WDR64: variants seen among roughly 807,000 people sequenced by gnomAD.
WDR64 encodes WD repeat domain 64.
Under a neutral mutation model 139.3 loss-of-function variants are expected in WDR64, and 112 were observed. The observed-to-expected ratio is 0.80, with a 90% confidence interval of 0.69 to 0.94. WDR64 has a LOEUF of 0.94. Ranked by LOEUF, WDR64 falls within the 40% of genes least tolerant of loss-of-function variation. WDR64 has a pLI of 0.00. For missense variants in WDR64, 1,206 were observed against 1,293.1 expected (o/e 0.93, Z 1.03); for synonymous variants, 444 against 437.7 (o/e 1.01, Z -0.18).
chr1:241,736,737 A>G (rs1240493520), intron 10 of WDR64, among the ~76,000 whole-genome samples: 5 of 152,202 alleles, frequency 3.3e-5, no homozygotes, highest in Non-Finnish European at 7.3e-5. Flanking sequence ...AGCAAACATA[A>G]TAACTCTATA....
intron 10 of WDR64, among the ~76,000 whole-genome samples, chr1:241,730,475 C>G (rs931284843): frequency 3.9e-5 from 6 of 152,174 alleles, no homozygotes; most frequent in Non-Finnish European, 5.9e-5. Context: ...ATTTTATCCT[C>G]TAGACTTTCT....
At chr1:241,709,888 G>C (rs181463143) in intron 8 of WDR64, among the ~76,000 whole-genome samples, 2 of 152,020 alleles carry the variant, frequency 1.3e-5, no homozygotes, top group African/African-American at 4.8e-5. Flanking sequence ...AGACAGGCGG[G>C]TTCCCCTCAG....
rs1667792137 is a variant in WDR64 at position 241,703,146 on chromosome 1, T to C, written c.975-8656T>C. Among the ~76,000 whole-genome samples the C allele has an allele frequency of 1.3e-5, 2 of 152,324 alleles. No individual in the cohort carries two copies. Among genetic ancestry groups the C allele is most frequent in the Non-Finnish European group, 1.5e-5 (1 of 68,026 alleles). ...CCTTATTCCTTGTTTCCTGCCCTCA[T>C]TCCCCACCAACTACCTCACCGTCAC... On this transcript the variant is annotated intron_variant, in intron 8 of 27. Transcript: ENST00000437684. The surrounding 1 kb of genome is among the most constrained non-coding windows in gnomAD (Gnocchi z 5.9).
At chr1:241,682,500 A>G (rs974782048) in intron 6 of WDR64, among the ~76,000 whole-genome samples, 3 of 150,938 alleles carry the variant, frequency 2.0e-5, no homozygotes, top group African/African-American at 7.3e-5. Flanking sequence ...CTATTTTTAT[A>G]CCAGTACCAT....
chr1:241,741,455 AC>A lies in WDR64; in HGVS notation c.1322-58del, dbSNP rs1669535433. 2.9e-5 allele frequency: 43 copies of A among 1,490,766 alleles called. No homozygotes were observed. The South Asian group carries it at 5.1e-4, about 18-fold the overall frequency. 92.3% of individuals were successfully genotyped at this position (1,490,766 alleles called of 1,614,324 possible). A position where few individuals can be genotyped will look rare whatever the true frequency, so the allele number is the denominator to read the frequency against. On this transcript the variant is annotated intron_variant, in intron 11 of 27. Coordinates refer to ENST00000437684, the MANE Select transcript of WDR64 (RefSeq NM_001367482.1). ...TTCCAAACCCAACTGCTTGGCTGAA[AC>A]CCTTTGTGATTAGAAACTTCTAATA...
intron 8 of WDR64, among the ~76,000 whole-genome samples, chr1:241,696,022 G>A (rs1667467674): frequency 6.8e-6 from 1 of 146,474 alleles, no homozygotes; most frequent in Admixed American, 7.0e-5. Flanking sequence ...GCTGAGATGG[G>A]AGGATCACTT....
At chr1:241,706,040 G>C (rs1210582429) in intron 8 of WDR64, among the ~76,000 whole-genome samples, 1 of 152,068 alleles carries the variant, frequency 6.6e-6, no homozygotes, top group African/African-American at 2.4e-5. Flanking sequence ...TTTTTCTTCT[G>C]TCTTAGGAAA....
chr1:241,692,066 G>A (rs565030754), intron 8 of WDR64, among the ~76,000 whole-genome samples: 4 of 150,662 alleles, frequency 2.7e-5, no homozygotes, highest in South Asian at 2.1e-4. Flanking sequence ...ATCTACATTC[G>A]CATTTGAGAA....
chr1:241,713,103 T>G (rs1466750025), intron 9 of WDR64, among the ~76,000 whole-genome samples: 1 of 150,768 alleles, frequency 6.6e-6, no homozygotes, highest in Non-Finnish European at 1.5e-5. Flanking sequence ...GCCCAGGAGC[T>G]CAAGACTAGC....
At chr1:241,760,402 G>A (rs971975489) in intron 15 of WDR64, among the ~76,000 whole-genome samples, 5 of 149,480 alleles carry the variant, frequency 3.3e-5, no homozygotes, top group East Asian at 2.0e-4. Flanking sequence ...CCTGATAACC[G>A]GAAGCCTCAT....
intron 8 of WDR64, among the ~76,000 whole-genome samples, chr1:241,693,186 TAC>T (rs959952173): frequency 1.3e-4 from 20 of 152,176 alleles, no homozygotes; most frequent in African/African-American, 4.8e-4. Context: ...GCTGAATGGA[TAC>T]ACAGACTCTG....
rs199889154 is a variant in WDR64 at position 241,675,011 on chromosome 1, T to G, written c.483+264T>G. Among the ~76,000 whole-genome samples the G allele has an allele frequency of 8.0e-3, 271 of 33,906 alleles. 38 individuals are homozygous for G. The highest frequency in any genetic ancestry group is 0.016 in the Middle Eastern group (1 of 64). The allele number at this position is 33,906 out of a possible 152,430, so 22.2% of individuals were successfully genotyped here. The stretch of plus-strand genomic sequence containing the variant: ...TCCCTTTCTCCCTCCCTCTCTTCCT[T>G]CCTTTCTTCTTCCTTCCCTCCCTCC... On this transcript the variant is annotated intron_variant, in intron 4 of 27. Transcript: ENST00000437684.
chr1:241,736,074 C>T lies in WDR64; in HGVS notation c.1195-2289C>T, dbSNP rs1311789391. ...GCTACACATCCACATAAGGACAGAG[C>T]ACAGCCTGTTGCTTTTCTGAATTGG... On this transcript the variant is annotated intron_variant, in intron 10 of 27. Coordinates refer to ENST00000437684, the MANE Select transcript of WDR64 (RefSeq NM_001367482.1). Among the ~76,000 whole-genome samples the T allele has an allele frequency of 2.6e-5, 4 of 152,208 alleles. No homozygotes were observed. In the East Asian group the frequency reaches 5.8e-4, roughly 22 times the overall value.
chr1:241,733,442 T>G (rs922705895), intron 10 of WDR64, among the ~76,000 whole-genome samples: 1 of 151,612 alleles, frequency 6.6e-6, no homozygotes, highest in Non-Finnish European at 1.5e-5. Flanking sequence ...GCCATTGCAC[T>G]CCAGCCTGGG....
Position 241,656,203 on chromosome 1 carries a change from A to G in WDR64, c.145+3574A>G, listed in dbSNP as rs1665589892. Among the ~76,000 whole-genome samples, 1 of 152,204 alleles carries G rather than the reference A, an allele frequency of 6.6e-6. No homozygotes were observed. Among genetic ancestry groups the G allele is most frequent in the African/African-American group, 2.4e-5 (1 of 41,454 alleles). On this transcript the variant is annotated intron_variant, in intron 1 of 27. Transcript: ENST00000437684. The surrounding 1 kb of genome is among the most constrained non-coding windows in gnomAD (Gnocchi z 4.3). ...TCTTCACTTTTGTCAGGCTGTTAAT[A>G]ATGTCTGGCACAAATTCATATTTAT...
chr1:241,772,831 T>C lies in WDR64; in HGVS notation c.2330T>C (p.Met777Thr). 1 of 1,551,998 alleles carries C rather than the reference T, an allele frequency of 6.4e-7. No homozygotes were observed. The highest frequency in any genetic ancestry group is 8.7e-7 in the Non-Finnish European group (1 of 1,147,060). ...GTAATGGTGGGAAAGCAACAGCCAA[T>C]GGACAAAAAACACCCTGGAATTGCC... ...TDVMVGKQQP[M>T]DKKHPGIANL... The change falls in exon 20 of 28, where the codon ATG becomes ACG. Residue 777 changes from methionine to threonine, a missense_variant. Transcript: ENST00000437684.
At chr1:241,677,843 T>C (rs1347119343) in intron 4 of WDR64, among the ~76,000 whole-genome samples, 1 of 152,228 alleles carries the variant, frequency 6.6e-6, no homozygotes, top group Non-Finnish European at 1.5e-5. Flanking sequence ...GCTGTTAGAT[T>C]ATTTTGCATT....
At chr1:241,705,357 C>A (rs567750017) in intron 8 of WDR64, among the ~76,000 whole-genome samples, 7 of 151,698 alleles carry the variant, frequency 4.6e-5, no homozygotes, top group Non-Finnish European at 1.0e-4. Context: ...CCGGCTAACA[C>A]GGTGAAACCC....
chr1:241,749,710 C>A lies in WDR64; in HGVS notation c.1758C>A (p.Ile586=). ...LVLALERNGT[I]KMIQGKEDDI... is the part of the protein sequence containing the mutation. ...TGGCCTTGGAGCGCAACGGGACTAT[C>A]AAAATGATCCAGGTTTACAATCCCA... Residue 586 remains isoleucine (I), a synonymous_variant, in exon 14 of 28, where the codon ATC becomes ATA. Coordinates refer to ENST00000437684, the MANE Select transcript of WDR64 (RefSeq NM_001367482.1). 6.2e-7 allele frequency: 1 copy of A among 1,613,840 alleles called. No homozygotes were observed. The highest frequency in any genetic ancestry group is 1.1e-5 in the South Asian group (1 of 91,042).
Sources: gnomAD v4.1 joint callset for allele counts (sites outside exome capture counted in the v4.1 genomes callset) on GRCh38, gnomAD v4.1.1 for gene constraint, Gnocchi (gnomAD v3.1) non-coding constraint, MANE v1.5 for transcripts, NCBI Gene and HGNC (gene_info 2026-07-23, HGNC 2026-07-21) for gene names.